The following PTPRE variants were observed in gnomAD, a reference collection of about 807,000 sequenced individuals.
PTPRE encodes protein tyrosine phosphatase receptor type E.
PTPRE carries 51 observed loss-of-function variants against 102.0 expected under a neutral mutation model. The observed-to-expected ratio is 0.50, with a 90% CI of 0.40 to 0.63. PTPRE has a LOEUF of 0.63. Among genes scored for constraint, PTPRE ranks in the 30% least tolerant of loss-of-function variants. The pLI is 0.00. For synonymous variants in PTPRE, 345 were observed against 348.2 expected, an observed-to-expected ratio of 0.99 and a Z score of 0.10; for missense variants, 752 against 915.1, an observed-to-expected ratio of 0.82 and a Z score of 2.30.
intron 1 of PTPRE, among the ~76,000 whole-genome samples, chr10:127,915,084 C>T (rs1452228957): frequency 4.6e-5 from 7 of 152,124 alleles, no homozygotes; most frequent in Non-Finnish European, 1.5e-5. Context: ...CGTTGCCTTC[C>T]GGTACTTACT....
At chr10:128,049,460 C>A in intron 5 of PTPRE, 70 bp from the exon 6 acceptor site, 2 of 1,557,074 alleles carry the variant, frequency 1.3e-6, no homozygotes, top group South Asian at 2.3e-5. Flanking sequence ...TGTCGTTGGT[C>A]AGCTTGGTTA....
chr10:128,002,528 A>G (rs2135561074), intron 2 of PTPRE, among the ~76,000 whole-genome samples: 1 of 152,042 alleles, frequency 6.6e-6, no homozygotes, highest in African/African-American at 2.4e-5. Flanking sequence ...GTGATACCAG[A>G]AGGATGGATA....
At chr10:127,998,808 T>C (rs1853560655) in intron 2 of PTPRE, 1 of 152,052 alleles carries the variant, frequency 6.6e-6, no homozygotes, top group Admixed American at 6.5e-5. Context: ...CCAGGGAGAC[T>C]GGTCAACCCA....
chr10:128,077,359 A>C (rs114067378), intron 18 of PTPRE, among the ~76,000 whole-genome samples: 1 of 152,226 alleles, frequency 6.6e-6, no homozygotes, highest in Non-Finnish European at 1.5e-5. Context: ...GGGGTTGGGC[A>C]GTCCTCACAG....
chr10:127,944,500 A>ACGGATGGATGGATGGATGGATAAG lies in PTPRE; in HGVS notation c.-31+37191_-31+37192insCGGATGGATGGATGGATGGATAAG. On this transcript the variant is annotated intron_variant, in intron 1 of 20. Coordinates refer to ENST00000254667, the MANE Select transcript of PTPRE (RefSeq NM_006504.6). This position sits in a 1 kb window ranked among gnomAD's most constrained non-coding sequence, Gnocchi z 4.2. ...GATGGATGGATGGATGGATGGATGG[A>ACGGATGGATGGATGGATGGATAAG]TGGATGGATGGATGGGTGGATGGAT... Among the ~76,000 whole-genome samples, 1 of 146,022 alleles carries ACGGATGGATGGATGGATGGATAAG rather than the reference A, an allele frequency of 6.8e-6. No homozygotes were observed. The highest frequency in any genetic ancestry group is 2.0e-4 in the East Asian group (1 of 4,940).
intron 2 of PTPRE, among the ~76,000 whole-genome samples, chr10:128,006,762 G>T (rs557230295): frequency 6.6e-6 from 1 of 152,266 alleles, no homozygotes; most frequent in African/African-American, 2.4e-5. Context: ...GGCCTTTCCT[G>T]CACCCCAGAG....
chr10:127,987,754 C>T (rs922284571), intron 2 of PTPRE, among the ~76,000 whole-genome samples: 2 of 152,180 alleles, frequency 1.3e-5, no homozygotes, highest in Non-Finnish European at 2.9e-5. Flanking sequence ...TAGGCCGGCT[C>T]GATGACATGG....
intron 6 of PTPRE, among the ~76,000 whole-genome samples, chr10:128,053,792 T>G (rs4335463): frequency 0.81 from 122,978 of 152,042 alleles, 50,025 homozygotes; most frequent in East Asian, 0.98. Context: ...AGAGAGTCTC[T>G]CTCTGTCCCC....
chr10:127,939,763 G>GAGGCAGGTGTGGGCAGGTGC, intron 1 of PTPRE, among the ~76,000 whole-genome samples: 1 of 152,248 alleles, frequency 6.6e-6, no homozygotes, highest in South Asian at 2.1e-4. Flanking sequence ...GAGGCAGGAG[G>GAGGCAGGTGTGGGCAGGTGC]AGGCAGGTGT....
At chr10:127,930,111 G>GATTTT (rs1234862181) in intron 1 of PTPRE, among the ~76,000 whole-genome samples, 1 of 148,946 alleles carries the variant, frequency 6.7e-6, no homozygotes, top group Non-Finnish European at 1.5e-5. Context: ...ATTGTTTTTA[G>GATTTT]ATTTTATTTT....
chr10:128,019,323 A>G (rs545217007), intron 2 of PTPRE, among the ~76,000 whole-genome samples: 35 of 152,350 alleles, frequency 2.3e-4, no homozygotes, highest in African/African-American at 7.5e-4. Flanking sequence ...GGACAAGACA[A>G]GAAAACGCGG....
intron 2 of PTPRE, among the ~76,000 whole-genome samples, chr10:128,012,796 T>C (rs574282298): frequency 1.4e-3 from 212 of 152,250 alleles, no homozygotes; most frequent in African/African-American, 5.0e-3. Context: ...CACTGAAGTC[T>C]TTTTCAGGGG....
At chr10:128,017,982 C>T (rs7089539) in intron 2 of PTPRE, among the ~76,000 whole-genome samples, 55,496 of 152,080 alleles carry the variant, frequency 0.36, 10,277 homozygotes, top group East Asian at 0.42. Context: ...ATAAAGTACC[C>T]GGCAGGAGCC....
intron 1 of PTPRE, among the ~76,000 whole-genome samples, chr10:127,942,874 A>C (rs2135299983): frequency 6.6e-6 from 1 of 152,346 alleles, no homozygotes; most frequent in African/African-American, 2.4e-5. Flanking sequence ...GTTCAATTTC[A>C]TTTTACACGT....
At chr10:127,923,916 T>C (rs985498164) in intron 1 of PTPRE, among the ~76,000 whole-genome samples, 3 of 152,146 alleles carry the variant, frequency 2.0e-5, no homozygotes, top group Admixed American at 1.3e-4. Flanking sequence ...TACTTTTCCA[T>C]GTCTGGTCTG....
chr10:127,950,740 A>C (rs1320990087), intron 1 of PTPRE, among the ~76,000 whole-genome samples: 2 of 152,224 alleles, frequency 1.3e-5, no homozygotes, highest in East Asian at 3.9e-4. Flanking sequence ...AGAGCAAAGC[A>C]ACAATCAAAA....
intron 2 of PTPRE, among the ~76,000 whole-genome samples, chr10:128,024,231 T>C (rs114596150): frequency 0.033 from 4,994 of 152,324 alleles, 166 homozygotes; most frequent in African/African-American, 0.079. Flanking sequence ...GGATAATTTT[T>C]CTCTATAGGG....
intron 6 of PTPRE, among the ~76,000 whole-genome samples, chr10:128,055,095 C>A (rs1848840014): frequency 6.6e-6 from 1 of 152,138 alleles, no homozygotes; most frequent in South Asian, 2.1e-4. Flanking sequence ...TGACCCAGCT[C>A]CTTCCACCGT....
chr10:128,027,398 A>G (rs1025234254), intron 2 of PTPRE, among the ~76,000 whole-genome samples: 3 of 152,122 alleles, frequency 2.0e-5, no homozygotes, highest in African/African-American at 7.2e-5. Flanking sequence ...GCCCCTACTG[A>G]CCAGCACCCC....
Sources: allele counts gnomAD v4.1 joint callset (sites outside exome capture counted in the v4.1 genomes callset), GRCh38; gene constraint gnomAD v4.1.1; non-coding constraint Gnocchi (gnomAD v3.1); transcripts MANE v1.5; gene names NCBI Gene and HGNC (gene_info 2026-07-23, HGNC 2026-07-21).